Variants in MDGA2 observed in about 807,000 individuals in gnomAD.
The protein encoded by MDGA2 is MAM domain-containing glycosylphosphatidylinositol anchor protein 2.
Under a neutral mutation model 117.8 loss-of-function variants are expected in MDGA2, and 40 were observed. The observed-to-expected ratio is 0.34, with a 90% CI of 0.26 to 0.44. MDGA2 has a LOEUF of 0.44. MDGA2 is among the 20% of genes least tolerant of loss of function. The probability of loss-of-function intolerance (pLI) is 1.00; values close to 1 mark genes in which losing one functional copy is unlikely to be tolerated. For synonymous variants in MDGA2, 452 were observed against 439.0 expected, an observed-to-expected ratio of 1.03 and a Z score of -0.37; for missense variants, 1,123 against 1,250.6, an observed-to-expected ratio of 0.90 and a Z score of 1.54.
intron 3 of MDGA2, among the ~76,000 whole-genome samples, chr14:47,173,074 T>A (rs1884239741): frequency 6.6e-6 from 1 of 151,722 alleles, no homozygotes. Flanking sequence ...ATGAATGAAA[T>A]GAAGCGAGAA....
chr14:46,880,168 T>C (rs1882387782), intron 11 of MDGA2, among the ~76,000 whole-genome samples: 1 of 151,494 alleles, frequency 6.6e-6, no homozygotes, highest in Admixed American at 6.6e-5. Flanking sequence ...CTACTAAACA[T>C]ACAAACATTA....
intron 5 of MDGA2, among the ~76,000 whole-genome samples, chr14:47,098,507 GT>G (rs1318440134): frequency 1.3e-5 from 2 of 151,586 alleles, no homozygotes; most frequent in African/African-American, 4.8e-5. Flanking sequence ...CATGAAAAAA[GT>G]ATGCAAAAGT....
intron 1 of MDGA2, among the ~76,000 whole-genome samples, chr14:47,486,276 G>A (rs1391614724): frequency 6.6e-6 from 1 of 152,162 alleles, no homozygotes; most frequent in Non-Finnish European, 1.5e-5. Flanking sequence ...CTGCCCTGCT[G>A]GATTTCAGAA....
intron 7 of MDGA2, among the ~76,000 whole-genome samples, chr14:47,044,523 T>C (rs1889188547): frequency 6.6e-6 from 1 of 152,158 alleles, no homozygotes; most frequent in African/African-American, 2.4e-5. Context: ...GTTTCCTATG[T>C]GAAACAAGCA....
intron 1 of MDGA2, among the ~76,000 whole-genome samples, chr14:47,474,125 C>T (rs554648025): frequency 6.4e-4 from 97 of 152,302 alleles, no homozygotes; most frequent in African/African-American, 2.0e-3. Flanking sequence ...TAAACAACTT[C>T]AGCAAACTCT....
chr14:46,865,880 T>G (rs1174630893), intron 14 of MDGA2, among the ~76,000 whole-genome samples: 17 of 150,946 alleles, frequency 1.1e-4, no homozygotes, highest in South Asian at 1.0e-3. Flanking sequence ...CACTGCTCAA[T>G]GAAATAAAAG....
chr14:47,026,750 T>C (rs191008578), intron 8 of MDGA2, among the ~76,000 whole-genome samples: 160 of 152,244 alleles, frequency 1.1e-3, no homozygotes, highest in African/African-American at 3.7e-3. Context: ...AGAACTTTTA[T>C]AGTCATACTT....
chr14:46,989,690 T>C (rs558795996), intron 8 of MDGA2, among the ~76,000 whole-genome samples: 3 of 152,212 alleles, frequency 2.0e-5, no homozygotes, highest in East Asian at 1.9e-4. Context: ...ATTGTGTTTT[T>C]TTCAGATTGA....
chr14:47,075,794 TAAG>T (rs1255827913), intron 6 of MDGA2, among the ~76,000 whole-genome samples: 27 of 152,106 alleles, frequency 1.8e-4, no homozygotes, highest in Admixed American at 6.5e-5. Context: ...AATTTTTTCT[TAAG>T]AAGTTGAGAA....
chr14:47,165,985 C>T (rs542974451), intron 3 of MDGA2, among the ~76,000 whole-genome samples: 4 of 151,546 alleles, frequency 2.6e-5, no homozygotes, highest in African/African-American at 7.3e-5. Context: ...CACCTATACA[C>T]CCTTTTCTGT....
intron 8 of MDGA2, among the ~76,000 whole-genome samples, chr14:47,034,757 CACACA>C (rs1402021024): frequency 6.6e-6 from 1 of 151,822 alleles, no homozygotes; most frequent in Admixed American, 6.6e-5. Context: ...CACACACACA[CACACA>C]CACACACTAA....
chr14:46,988,160 T>C (rs905910040), intron 8 of MDGA2, among the ~76,000 whole-genome samples: 6 of 151,934 alleles, frequency 3.9e-5, no homozygotes, highest in African/African-American at 1.4e-4. Context: ...TTTTTTTTTC[T>C]TCTCTCTGGT....
chr14:46,855,278 C>T lies in MDGA2; in HGVS notation c.2753-124G>A, dbSNP rs1190813533. ...ACAGAACACTCTAGTGTCTTGTCCT[C>T]TCTTCTCCTCTCATTTCCTATCTTG... On this transcript the variant is annotated intron_variant, in intron 14 of 16. Transcript: ENST00000399232. The surrounding 1 kb of genome is among the most constrained non-coding windows in gnomAD (Gnocchi z 4.1). 1 of 639,636 alleles carries T rather than the reference C, an allele frequency of 1.6e-6. No homozygotes were observed. Among genetic ancestry groups the T allele is most frequent in the African/African-American group, 1.9e-5 (1 of 52,870 alleles). 39.6% of individuals were successfully genotyped at this position (639,636 alleles called of 1,614,324 possible).
At chr14:46,887,742 A>T (rs1882727322) in intron 10 of MDGA2, among the ~76,000 whole-genome samples, 1 of 151,892 alleles carries the variant, frequency 6.6e-6, no homozygotes, top group Non-Finnish European at 1.5e-5. Context: ...ATAAATGATG[A>T]CACTTTTACT....
intron 5 of MDGA2, among the ~76,000 whole-genome samples, chr14:47,126,513 A>G (rs1179632947): frequency 6.6e-6 from 1 of 152,110 alleles, no homozygotes; most frequent in African/African-American, 2.4e-5. Context: ...TCTCTGGCTG[A>G]TATACAATTA....
At chr14:47,653,594 TCCCGGAAA>T (rs1897685610) in intron 1 of MDGA2, among the ~76,000 whole-genome samples, 1 of 152,024 alleles carries the variant, frequency 6.6e-6, no homozygotes, top group African/African-American at 2.4e-5. Flanking sequence ...ACATCCTAAT[TCCCGGAAA>T]CTGTGAATAT....
At chr14:47,071,878 A>G (rs1400732968) in intron 6 of MDGA2, among the ~76,000 whole-genome samples, 1 of 152,176 alleles carries the variant, frequency 6.6e-6, no homozygotes. Context: ...TATAGTGATC[A>G]TAACAATAAA....
At chr14:47,474,169 G>A (rs755687646) in intron 1 of MDGA2, among the ~76,000 whole-genome samples, 13 of 152,054 alleles carry the variant, frequency 8.5e-5, no homozygotes, top group Admixed American at 2.6e-4. Flanking sequence ...AAAATCACTA[G>A]CATTCCTATA....
intron 2 of MDGA2, among the ~76,000 whole-genome samples, chr14:47,223,132 C>T (rs1886360402): frequency 6.6e-6 from 1 of 152,104 alleles, no homozygotes; most frequent in Admixed American, 6.5e-5. Context: ...TTATTCACTA[C>T]CACAAGAATA....
Sources: allele counts gnomAD v4.1 joint callset (sites outside exome capture counted in the v4.1 genomes callset), GRCh38; gene constraint gnomAD v4.1.1; non-coding constraint Gnocchi (gnomAD v3.1); transcripts MANE v1.5; gene names NCBI Gene and HGNC (gene_info 2026-07-23, HGNC 2026-07-21).